Variants in HSPG2 observed in about 807,000 individuals in gnomAD.
HSPG2 encodes heparan sulfate proteoglycan 2, also known as basement membrane-specific heparan sulfate proteoglycan core protein.
A neutral mutation model predicts 526.6 loss-of-function variants in HSPG2; 278 were observed. The ratio of observed to expected loss-of-function variants is 0.53; its 90% CI spans 0.48 to 0.58. The LOEUF (loss-of-function observed/expected upper bound fraction) is 0.58. Among genes scored for constraint, HSPG2 ranks in the 20% least tolerant of loss-of-function variants. The pLI is 0.00. For missense variants in HSPG2, 5,354 were observed against 6,099.5 expected, an observed-to-expected ratio of 0.88 and a Z score of 4.07; for synonymous variants, 2,465 against 2,555.4, an observed-to-expected ratio of 0.96 and a Z score of 1.07.
chr1:21,915,589 C>T (rs1301772131), intron 1 of HSPG2, among the ~76,000 whole-genome samples: 1 of 152,166 alleles, frequency 6.6e-6, no homozygotes, highest in Non-Finnish European at 1.5e-5. Flanking sequence ...CAATATGGGA[C>T]AGGGAACCAG....
intron 1 of HSPG2, among the ~76,000 whole-genome samples, chr1:21,906,041 G>A (rs1320187987): frequency 3.9e-5 from 6 of 152,198 alleles, no homozygotes; most frequent in Admixed American, 3.9e-4. Context: ...TTAATTAATG[G>A]GGTTTATAAG....
Position 21,830,047 on chromosome 1 carries a change from G to T in HSPG2, c.11716C>A (p.Arg3906=), listed in dbSNP as rs769720495. 3 of 1,604,840 alleles carry T rather than the reference G, an allele frequency of 1.9e-6. No homozygotes were observed. The highest frequency in any genetic ancestry group is 1.1e-5 in the South Asian group (1 of 89,476). Reference sequence around the variant, plus strand: ...AGGTGGCAGCGGCAGGTGTAGCCTCGACCGTCAGGCCGGTTCACACAGGTG... The same window carrying T: ...AGGTGGCAGCGGCAGGTGTAGCCTCTACCGTCAGGCCGGTTCACACAGGTG... ...DATCVNRPDG[R]GYTCRCHLGR... Residue 3906 remains arginine (R), a synonymous_variant, in exon 86 of 97, where the codon CGA becomes AGA. Coordinates refer to ENST00000374695, the MANE Select transcript of HSPG2 (RefSeq NM_005529.7).
chr1:21,923,990 T>C (rs983226061), intron 1 of HSPG2, among the ~76,000 whole-genome samples: 3 of 152,120 alleles, frequency 2.0e-5, no homozygotes, highest in African/African-American at 7.2e-5. Context: ...TGAATGCCCC[T>C]GATGTCAGCT....
At chr1:21,879,985 T>G (rs752192833) in intron 17 of HSPG2, 122 bp downstream of exon 17, 1 of 1,159,366 alleles carries the variant, frequency 8.6e-7, no homozygotes, top group South Asian at 1.3e-5. Context: ...GAGGTCATGA[T>G]AGTTCATCTG....
chr1:21,846,639 C>CA lies in HSPG2; in HGVS notation c.8165-41dup, dbSNP rs777292194. On this transcript the variant is annotated intron_variant, in intron 62 of 96. Transcript: ENST00000374695. ...ATCAGTGAGTCGGCACAGCCGTTGT[C>CA]AGATTTGGGAACAGGGTTGGTGGGA... 9 of 1,612,266 alleles carry CA rather than the reference C, an allele frequency of 5.6e-6. No homozygotes were observed. The South Asian group carries it at 8.8e-5, about 16-fold the overall frequency.
In HSPG2 at chr1:21,824,776, G is replaced by T; in HGVS notation, c.12593C>A (p.Ala4198Asp). 1 of 1,611,864 alleles carries T rather than the reference G, an allele frequency of 6.2e-7. No individual in the cohort carries two copies. The highest frequency in any genetic ancestry group is 8.5e-7 in the Non-Finnish European group (1 of 1,179,110). Reference protein sequence around the residue: ...WHLEGSGGNDAPGQYGAYFHD... With the variant: ...WHLEGSGGNDDPGQYGAYFHD... ...GAAATAGGCTCCGTACTGCCCAGGG[G>T]CATCTGTGGGAGAGAGGAGGGTGGT... Residue 4198 changes from alanine (A) to aspartate (D), a missense_variant, in exon 92 of 97, where the codon GCC (alanine) becomes GAC (aspartate). By Grantham distance (126) the Ala-to-Asp change is moderately radical. Transcript: ENST00000374695. This position sits in a 1 kb window ranked among gnomAD's most constrained non-coding sequence, Gnocchi z 5.9.
At chr1:21,850,563 C>T in intron 55 of HSPG2, 65 bp from the exon 56 acceptor site, 1 of 1,487,920 alleles carries the variant, frequency 6.7e-7, no homozygotes, top group Non-Finnish European at 9.0e-7. Flanking sequence ...AACCTGCAAC[C>T]CTGCCTCACT....
At position 21,828,821 on chromosome 1, in the gene HSPG2, G is replaced by A; in HGVS notation, c.12237+14C>T. The A allele has an allele frequency of 6.4e-7, 1 of 1,550,522 alleles. No homozygotes were observed. Among genetic ancestry groups the A allele is most frequent in the Non-Finnish European group, 8.7e-7 (1 of 1,146,940 alleles). On this transcript the variant is annotated intron_variant, in intron 88 of 96. Coordinates refer to ENST00000374695, the MANE Select transcript of HSPG2 (RefSeq NM_005529.7). This position sits in a 1 kb window ranked among gnomAD's most constrained non-coding sequence, Gnocchi z 6.0. Reference sequence around the variant, plus strand: ...CCCCTCCCCTCCCGCTTGTCCCGAGGAGGCTGCTCTTACCTCGCCCACACA... The same window carrying A: ...CCCCTCCCCTCCCGCTTGTCCCGAGAAGGCTGCTCTTACCTCGCCCACACA...
rs750836621 is a variant in HSPG2, at chr1:21,895,273, C to T, written c.244+649G>A. ...CCTTGTCCTGGGGTAGGTCCTTCTC[C>T]ACCCAGTATCCCAGAGTGGAAGGAA... On this transcript the variant is annotated intron_variant, in intron 3 of 96. Transcript: ENST00000374695. The surrounding 1 kb of genome is among the most constrained non-coding windows in gnomAD (Gnocchi z 4.1). Among the ~76,000 whole-genome samples, 1 of 152,186 alleles carries T rather than the reference C, an allele frequency of 6.6e-6. No individual in the cohort carries two copies. Among genetic ancestry groups the T allele is most frequent in the Non-Finnish European group, 1.5e-5 (1 of 68,018 alleles).
chr1:21,822,376 C>T lies in HSPG2; in HGVS notation c.*940G>A. The T allele has an allele frequency of 1.4e-6, 1 of 695,670 alleles. No homozygotes were observed. Among genetic ancestry groups the T allele is most frequent in the Non-Finnish European group, 2.5e-6 (1 of 396,962 alleles). 43.1% of individuals were successfully genotyped at this position (695,670 alleles called of 1,614,324 possible). ...TGGCAGGATGGCACTTGAGCTGGAT[C>T]TTCAGGCTCCTGCAGATGGGGCAGG... On this transcript the variant is annotated 3_prime_UTR_variant, in exon 97 of 97. Coordinates refer to ENST00000374695, the MANE Select transcript of HSPG2 (RefSeq NM_005529.7).
At chr1:21,844,428 G>C in intron 64 of HSPG2, 129 bp from the exon 65 acceptor site, 1 of 1,068,014 alleles carries the variant, frequency 9.4e-7, no homozygotes, top group South Asian at 1.6e-5. Context: ...GTTCCATTGA[G>C]GCCTGGAGCA....
chr1:21,922,959 G>A (rs1207244853), intron 1 of HSPG2, among the ~76,000 whole-genome samples: 2 of 151,458 alleles, frequency 1.3e-5, no homozygotes, highest in East Asian at 1.9e-4. Context: ...CCCCCATCCC[G>A]CCCCCACCCC....
At chr1:21,860,091 C>T (rs755397199) in intron 40 of HSPG2, 86 bp downstream of exon 40, 2 of 1,602,012 alleles carry the variant, frequency 1.2e-6, no homozygotes, top group Non-Finnish European at 8.5e-7. Flanking sequence ...CCACCCTCAG[C>T]CCTGTCCCCA....
At chr1:21,826,266 C>A (rs1009801296) in intron 91 of HSPG2, among the ~76,000 whole-genome samples, 2 of 151,780 alleles carry the variant, frequency 1.3e-5, no homozygotes, top group African/African-American at 4.8e-5. Context: ...GATGAGGTCT[C>A]CCTGTGTTGC....
chr1:21,855,041 G>C (rs985971609), intron 47 of HSPG2, 58 bp from the exon 48 acceptor site: 3 of 1,596,618 alleles, frequency 1.9e-6, no homozygotes, highest in Non-Finnish European at 2.6e-6. Flanking sequence ...GGCTGGCCAG[G>C]GGGACAGATA....
chr1:21,928,614 TG>T (rs941919320), intron 1 of HSPG2, among the ~76,000 whole-genome samples: 1 of 152,162 alleles, frequency 6.6e-6, no homozygotes, highest in African/African-American at 2.4e-5. Context: ...CTAACTTTTT[TG>T]TATTTTTAGT....
chr1:21,898,494 G>T lies in HSPG2; in HGVS notation c.64-2184C>A, dbSNP rs1204987765. ...GCTGGTGAGAAATGCAGATTCCTGG[G>T]CTCCTTCTCAGAGACAGTGAGTCAG... On this transcript the variant is annotated intron_variant, in intron 1 of 96. Transcript: ENST00000374695. The surrounding 1 kb of genome is among the most constrained non-coding windows in gnomAD (Gnocchi z 4.0). Among the ~76,000 whole-genome samples the T allele has an allele frequency of 6.6e-6, 1 of 152,208 alleles. No individual in the cohort carries two copies. Among genetic ancestry groups the T allele is most frequent in the Non-Finnish European group, 1.5e-5 (1 of 68,040 alleles).
Position 21,865,741 on chromosome 1 carries a change from G to C in HSPG2, c.4290C>G (p.Leu1430=). The part of the protein sequence containing the change: ...SYTAGPQGSP[L]SDPDVQITGN... Reference sequence around the variant, plus strand: ...CCGTGATCTGCACATCGGGGTCAGAGAGTGGGCTGCCCTGTGGGCCTGCTG... The same window carrying C: ...CCGTGATCTGCACATCGGGGTCAGACAGTGGGCTGCCCTGTGGGCCTGCTG... The change falls in exon 34 of 97, where the codon CTC becomes CTG. Residue 1430 remains leucine (L), a synonymous_variant. Transcript: ENST00000374695. The surrounding 1 kb of genome is among the most constrained non-coding windows in gnomAD (Gnocchi z 5.4). 6.2e-7 allele frequency: 1 copy of C among 1,613,860 alleles called. No homozygotes were observed. The highest frequency in any genetic ancestry group is 8.5e-7 in the Non-Finnish European group (1 of 1,179,920).
chr1:21,876,766 A>G lies in HSPG2; in HGVS notation c.2686-114T>C, dbSNP rs2454295. The G allele has an allele frequency of 0.63, 901,970 of 1,427,502 alleles. 291,821 individuals are homozygous for G. Among genetic ancestry groups the G allele is most frequent in the Middle Eastern group, 0.68 (3,943 of 5,772 alleles). 88.4% of individuals were successfully genotyped at this position (1,427,502 alleles called of 1,614,324 possible). A position where few individuals can be genotyped will look rare whatever the true frequency, so the allele number is the denominator to read the frequency against. On this transcript the variant is annotated intron_variant, in intron 21 of 96. Transcript: ENST00000374695. ...CCCAAGACCCAGGGGAGCCACTGAA[A>G]GAGCACATGTGGCTGGGCGCGGTGG... is the stretch of plus-strand genomic sequence containing the variant.
Sources: allele counts gnomAD v4.1 joint callset (sites outside exome capture counted in the v4.1 genomes callset), GRCh38; gene constraint gnomAD v4.1.1; non-coding constraint Gnocchi (gnomAD v3.1); transcripts MANE v1.5; gene names NCBI Gene and HGNC (gene_info 2026-07-23, HGNC 2026-07-21).